The following MTREX variants were observed in gnomAD, a reference collection of about 807,000 sequenced individuals.
The protein encoded by MTREX is Mtr4 exosome RNA helicase.
A neutral mutation model predicts 135.4 loss-of-function variants in MTREX; 76 were observed. The ratio of observed to expected loss-of-function variants is 0.56; its 90% CI spans 0.47 to 0.68. The LOEUF (loss-of-function observed/expected upper bound fraction) is 0.68, where lower values mean the gene tolerates loss of function less well. MTREX is among the 30% of genes least tolerant of loss of function. The pLI is 0.00. For synonymous variants in MTREX, 404 were observed against 401.6 expected, an observed-to-expected ratio of 1.01 and a Z score of -0.07; for missense variants, 920 against 1,262.1, an observed-to-expected ratio of 0.73 and a Z score of 4.11.
intron 13 of MTREX, among the ~76,000 whole-genome samples, chr5:55,351,957 G>A (rs1215612612): frequency 6.6e-6 from 1 of 151,964 alleles, no homozygotes. Context: ...AAGTAGCTGG[G>A]ACTACAGGAG....
At chr5:55,399,104 C>A (rs1750685799) in intron 20 of MTREX, among the ~76,000 whole-genome samples, 1 of 152,150 alleles carries the variant, frequency 6.6e-6, no homozygotes, top group Non-Finnish European at 1.5e-5. Context: ...TAAAACTTGG[C>A]CAGGCTCGTG....
At position 55,405,481 on chromosome 5, in the gene MTREX, A is replaced by G. The variant is rs751657150; in HGVS notation, c.2538A>G (p.Leu846=). ...KRELKKARTV[L]QMDELKCRKR... ...AACTGAAGAAAGCAAGAACAGTCCT[A>G]CAAATGGATGAACTCAAATGTCGCA... The change falls in exon 22 of 27, where the codon CTA becomes CTG. Residue 846 remains leucine, a synonymous_variant. Coordinates refer to ENST00000230640, the MANE Select transcript of MTREX (RefSeq NM_015360.5). The G allele has an allele frequency of 1.7e-5, 27 of 1,614,016 alleles. No individual in the cohort carries two copies. Among genetic ancestry groups the G allele is most frequent in the Non-Finnish European group, 2.2e-5 (26 of 1,179,888 alleles).
At chr5:55,333,626 A>T (rs1244674044) in intron 5 of MTREX, among the ~76,000 whole-genome samples, 2 of 152,128 alleles carry the variant, frequency 1.3e-5, no homozygotes, top group Non-Finnish European at 2.9e-5. Flanking sequence ...TAAGAAATTC[A>T]CCAGGATTGT....
At chr5:55,410,690 T>C in intron 23 of MTREX, 61 bp downstream of exon 23, 2 of 938,480 alleles carry the variant, frequency 2.1e-6, no homozygotes, top group Non-Finnish European at 3.3e-6. Context: ...GTTAATAGTG[T>C]TATGGCTATA....
At chr5:55,378,769 T>C (rs1390328964) in intron 17 of MTREX, among the ~76,000 whole-genome samples, 1 of 152,222 alleles carries the variant, frequency 6.6e-6, no homozygotes, top group African/African-American at 2.4e-5. Flanking sequence ...TAACTATAAC[T>C]GTTCATATAA....
chr5:55,369,638 A>G (rs879909300), intron 16 of MTREX, among the ~76,000 whole-genome samples: 13 of 152,200 alleles, frequency 8.5e-5, no homozygotes, highest in Admixed American at 4.6e-4. Flanking sequence ...TGCTCACTCA[A>G]TGAACTTAAA....
chr5:55,378,997 G>C, intron 17 of MTREX, 130 bp from the exon 18 acceptor site: 1 of 625,526 alleles, frequency 1.6e-6, no homozygotes, highest in Non-Finnish European at 2.8e-6. Flanking sequence ...AAATTTAGCA[G>C]TGCTCTTTCA....
chr5:55,339,242 A>G lies in MTREX; in HGVS notation c.516-768A>G, dbSNP rs542815747. On this transcript the variant is annotated intron_variant, in intron 5 of 26. Transcript: ENST00000230640. Reference sequence around the variant, plus strand: ...TTGCAATTTTTTTCTTGAAAAGTTTAGATAATGTATGTAGCATTTCTGTAT... The same window carrying G: ...TTGCAATTTTTTTCTTGAAAAGTTTGGATAATGTATGTAGCATTTCTGTAT... Among the ~76,000 whole-genome samples the G allele has an allele frequency of 9.2e-5, 14 of 152,260 alleles. No individual in the cohort carries two copies. In the South Asian group the frequency reaches 1.2e-3, roughly 14 times the overall value.
intron 8 of MTREX, among the ~76,000 whole-genome samples, chr5:55,344,194 T>C (rs1344533439): frequency 2.0e-5 from 3 of 152,136 alleles, no homozygotes; most frequent in Non-Finnish European, 4.4e-5. Context: ...ATGGATCCTT[T>C]GTATCACCGT....
chr5:55,332,047 T>C (rs1455762259), intron 5 of MTREX, among the ~76,000 whole-genome samples: 2 of 152,226 alleles, frequency 1.3e-5, no homozygotes, highest in Non-Finnish European at 1.5e-5. Flanking sequence ...TTCTAAAATA[T>C]ATTTAATAAC....
At chr5:55,382,071 A>G (rs564748304) in intron 18 of MTREX, among the ~76,000 whole-genome samples, 7 of 152,266 alleles carry the variant, frequency 4.6e-5, no homozygotes, top group African/African-American at 1.7e-4. Context: ...TACACAGCAT[A>G]CACAGCAGTT....
At chr5:55,386,411 GT>G (rs1235901780) in intron 18 of MTREX, among the ~76,000 whole-genome samples, 1 of 152,136 alleles carries the variant, frequency 6.6e-6, no homozygotes, top group Non-Finnish European at 1.5e-5. Context: ...TTATCTGAAA[GT>G]GGACATTGAT....
chr5:55,339,399 T>C (rs951549154), intron 5 of MTREX, among the ~76,000 whole-genome samples: 2 of 152,232 alleles, frequency 1.3e-5, no homozygotes, highest in African/African-American at 2.4e-5. Context: ...AATAAGCCTA[T>C]TCTGGGCAGG....
In MTREX at chr5:55,402,852, ATG is replaced by A. The variant is rs767239762; in HGVS notation, c.2481+2451_2481+2452del. Reference sequence around the variant, plus strand: ...TGTGTGTGTGTGTGTATGTGTATGTATGTGTGTGTGTGTGTGTGTGTATATAT... The same window carrying A: ...TGTGTGTGTGTGTGTATGTGTATGTATGTGTGTGTGTGTGTGTGTATATAT... On this transcript the variant is annotated intron_variant, in intron 21 of 26. Coordinates refer to ENST00000230640, the MANE Select transcript of MTREX (RefSeq NM_015360.5). Among the ~76,000 whole-genome samples, 38 of 114,500 alleles carry A rather than the reference ATG, an allele frequency of 3.3e-4. No homozygotes were observed. The East Asian group carries it at 4.2e-3, about 13-fold the overall frequency. 75.1% of individuals were successfully genotyped at this position (114,500 alleles called of 152,430 possible).
Position 55,378,230 on chromosome 5 carries a change from C to A in MTREX, c.1811-84C>A, listed in dbSNP as rs554033006. The A allele has an allele frequency of 5.5e-5, 78 of 1,428,352 alleles. No homozygotes were observed. In the African/African-American group the frequency reaches 9.0e-4, roughly 16 times the overall value. The allele number at this position is 1,428,352 out of a possible 1,614,324, so 88.5% of individuals were successfully genotyped here. A position where few individuals can be genotyped will look rare whatever the true frequency, so the allele number is the denominator to read the frequency against. ...AAAACCGCAACTACACTTGCACCAACCTAATAGAAAAAATCCTATGTCTTG... is the reference window on the plus strand; with the variant it reads ...AAAACCGCAACTACACTTGCACCAAACTAATAGAAAAAATCCTATGTCTTG... On this transcript the variant is annotated intron_variant, in intron 16 of 26. Transcript: ENST00000230640.
Position 55,350,924 on chromosome 5 carries a change from A to C in MTREX, c.1326A>C (p.Glu442Asp). ...SDEDKKLPQV[E>D]HVLPLLKRGI... ...GTGTTATTCCAAAATCACAGGTAGA[A>C]CATGTACTTCCTCTTTTGAAGAGGG... Residue 442 changes from glutamate to aspartate, a missense_variant, in exon 13 of 27, where the codon GAA becomes GAC. Glu to Asp is a conservative substitution (Grantham distance 45, BLOSUM62 2). Coordinates refer to ENST00000230640, the MANE Select transcript of MTREX (RefSeq NM_015360.5). The C allele has an allele frequency of 6.3e-7, 1 of 1,596,250 alleles. No individual in the cohort carries two copies. Among genetic ancestry groups the C allele is most frequent in the African/African-American group, 1.4e-5 (1 of 74,008 alleles).
At chr5:55,321,117 A>G (rs1235066923) in intron 1 of MTREX, among the ~76,000 whole-genome samples, 2 of 152,188 alleles carry the variant, frequency 1.3e-5, no homozygotes, top group African/African-American at 2.4e-5. Flanking sequence ...GCCATTTTAA[A>G]GTGAATTAAT....
chr5:55,381,576 C>G (rs1014793480), intron 18 of MTREX, among the ~76,000 whole-genome samples: 3 of 151,960 alleles, frequency 2.0e-5, no homozygotes, highest in African/African-American at 7.2e-5. Context: ...AAATTTTTGT[C>G]TTTATTATTT....
intron 24 of MTREX, among the ~76,000 whole-genome samples, chr5:55,415,097 GGAAA>G (rs1476932689): frequency 6.6e-6 from 1 of 151,996 alleles, no homozygotes; most frequent in Non-Finnish European, 1.5e-5. Context: ...ACAAAGACAA[GGAAA>G]GATGAGCTAA....
Sources: gnomAD v4.1 joint callset for allele counts (sites outside exome capture counted in the v4.1 genomes callset) on GRCh38, gnomAD v4.1.1 for gene constraint, MANE v1.5 for transcripts, NCBI Gene and HGNC (gene_info 2026-07-23, HGNC 2026-07-21) for gene names.